The following DLG2 variants were observed in gnomAD, a reference collection of about 807,000 sequenced individuals.
The protein encoded by DLG2 is discs large MAGUK scaffold protein 2, also known as disks large homolog 2.
In DLG2, 45 loss-of-function variants were observed where a neutral mutation model predicts 132.5. The ratio of observed to expected loss-of-function variants is 0.34; its 90% CI spans 0.27 to 0.44. The LOEUF (loss-of-function observed/expected upper bound fraction) is 0.44. DLG2 is among the 20% of genes least tolerant of loss of function. The pLI is 1.00. For missense variants in DLG2, 1,045 were observed against 1,196.9 expected, an observed-to-expected ratio of 0.87 and a Z score of 1.87; for synonymous variants, 424 against 419.6, an observed-to-expected ratio of 1.01 and a Z score of -0.13.
At chr11:83,735,554 T>C (rs1231548140) in intron 18 of DLG2, among the ~76,000 whole-genome samples, 5 of 152,374 alleles carry the variant, frequency 3.3e-5, no homozygotes, top group Middle Eastern at 3.4e-3. Flanking sequence ...TAACTCTTGG[T>C]GACACATAAT....
At chr11:84,818,844 C>T (rs1354597678) in intron 6 of DLG2, among the ~76,000 whole-genome samples, 1 of 151,888 alleles carries the variant, frequency 6.6e-6, no homozygotes, top group Non-Finnish European at 1.5e-5. Flanking sequence ...AGATCTTCAG[C>T]CTCTAAATTC....
At chr11:85,096,981 T>G (rs565941968) in intron 6 of DLG2, among the ~76,000 whole-genome samples, 34 of 152,118 alleles carry the variant, frequency 2.2e-4, no homozygotes, top group African/African-American at 7.9e-4. Flanking sequence ...GCCATTCAAC[T>G]CCGGGGTCCC....
intron 5 of DLG2, among the ~76,000 whole-genome samples, chr11:85,127,566 C>T (rs1054940542): frequency 7.9e-5 from 12 of 152,046 alleles, no homozygotes; most frequent in Admixed American, 6.6e-4. Flanking sequence ...CTGTTGTATC[C>T]CCACACCTTT....
intron 6 of DLG2, among the ~76,000 whole-genome samples, chr11:84,991,364 C>G (rs1304068794): frequency 6.6e-6 from 1 of 151,804 alleles, no homozygotes; most frequent in African/African-American, 2.4e-5. Context: ...TAAAAATGAG[C>G]TGAGCAGGGT....
chr11:84,303,655 T>A (rs945630437), intron 7 of DLG2, among the ~76,000 whole-genome samples: 1 of 152,188 alleles, frequency 6.6e-6, no homozygotes, highest in African/African-American at 2.4e-5. Flanking sequence ...TATGACCCAC[T>A]TGAATATGGA....
At chr11:85,326,291 G>A (rs1454161897) in intron 3 of DLG2, among the ~76,000 whole-genome samples, 6 of 142,802 alleles carry the variant, frequency 4.2e-5, no homozygotes, top group African/African-American at 1.6e-4. Flanking sequence ...GATACTCCTC[G>A]AGAAGAGCAA....
In DLG2 at chr11:84,804,013, A is replaced by G. The variant is rs543891200; in HGVS notation, c.358-269282T>C. On this transcript the variant is annotated intron_variant, in intron 6 of 27. Coordinates refer to ENST00000376104, the MANE Select transcript of DLG2 (RefSeq NM_001142699.3). ...TTAAATGACATGATATACTCAAACT[A>G]CTTTTAAAAATGCATTTTACTATGG... Among the ~76,000 whole-genome samples the G allele has an allele frequency of 2.6e-5, 4 of 152,316 alleles. No individual in the cohort carries two copies. The East Asian group carries it at 5.8e-4, about 22-fold the overall frequency.
intron 6 of DLG2, among the ~76,000 whole-genome samples, chr11:84,955,060 T>G (rs2154105169): frequency 6.6e-6 from 1 of 152,258 alleles, no homozygotes; most frequent in South Asian, 2.1e-4. Flanking sequence ...AATTACTGTG[T>G]TTCAATAAAA....
chr11:84,169,070 G>C (rs1022051276), intron 8 of DLG2, among the ~76,000 whole-genome samples: 1 of 152,066 alleles, frequency 6.6e-6, no homozygotes, highest in Non-Finnish European at 1.5e-5. Flanking sequence ...ATGAGTGCGA[G>C]TTTGGGTAAG....
intron 18 of DLG2, among the ~76,000 whole-genome samples, chr11:83,756,871 C>G (rs2093670604): frequency 1.3e-5 from 2 of 152,138 alleles, no homozygotes; most frequent in African/African-American, 4.8e-5. Context: ...GTTAGCCTTT[C>G]AGCTTTGTTC....
intron 7 of DLG2, among the ~76,000 whole-genome samples, chr11:84,290,230 T>A (rs1467137346): frequency 2.0e-5 from 3 of 152,126 alleles, no homozygotes; most frequent in Non-Finnish European, 4.4e-5. Flanking sequence ...TGAGCAAAAG[T>A]TTTTGTAAAA....
chr11:84,532,434 C>T (rs1193840601), intron 7 of DLG2, among the ~76,000 whole-genome samples: 2 of 151,966 alleles, frequency 1.3e-5, no homozygotes, highest in African/African-American at 4.8e-5. Context: ...GAGGTATGCT[C>T]TAGAGGTGAT....
chr11:84,184,045 C>T (rs1183082492), intron 8 of DLG2, among the ~76,000 whole-genome samples: 9 of 151,864 alleles, frequency 5.9e-5, no homozygotes, highest in East Asian at 1.9e-4. Flanking sequence ...TACGTGTGCA[C>T]GTGTCTTTAT....
chr11:84,960,147 T>C (rs1265944886), intron 6 of DLG2, among the ~76,000 whole-genome samples: 1 of 152,190 alleles, frequency 6.6e-6, no homozygotes, highest in Non-Finnish European at 1.5e-5. Context: ...GGTGAGTGAG[T>C]GGCAAAGTGG....
At chr11:83,910,330 T>G in intron 15 of DLG2, among the ~76,000 whole-genome samples, 1 of 152,136 alleles carries the variant, frequency 6.6e-6, no homozygotes, top group Non-Finnish European at 1.5e-5. Flanking sequence ...AGCTGACAAC[T>G]TTTGGAACTA....
chr11:83,742,337 T>C (rs1172261515), intron 18 of DLG2, among the ~76,000 whole-genome samples: 1 of 151,976 alleles, frequency 6.6e-6, no homozygotes, highest in East Asian at 1.9e-4. Context: ...TAATGTTGTG[T>C]ACCTTAAATA....
At chr11:85,084,247 T>C (rs979916721) in intron 6 of DLG2, among the ~76,000 whole-genome samples, 6 of 152,096 alleles carry the variant, frequency 3.9e-5, no homozygotes, top group Non-Finnish European at 7.4e-5. Flanking sequence ...GCAATGTTCT[T>C]ATGTAGGAAA....
intron 7 of DLG2, among the ~76,000 whole-genome samples, chr11:84,349,914 A>C (rs1331408689): frequency 6.6e-6 from 1 of 152,032 alleles, no homozygotes; most frequent in African/African-American, 2.4e-5. Context: ...GCGGTGGCTC[A>C]CGCCTGTAAT....
At chr11:83,560,868 C>G (rs986048256) in intron 19 of DLG2, among the ~76,000 whole-genome samples, 1 of 152,148 alleles carries the variant, frequency 6.6e-6, no homozygotes. Context: ...TTAGTCCATT[C>G]TCACATTGCT....
Sources: gnomAD v4.1 joint callset for allele counts (sites outside exome capture counted in the v4.1 genomes callset) on GRCh38, gnomAD v4.1.1 for gene constraint, MANE v1.5 for transcripts, NCBI Gene and HGNC (gene_info 2026-07-23, HGNC 2026-07-21) for gene names.